The following CTNNA2 variants were observed in gnomAD, a reference collection of about 807,000 sequenced individuals.
CTNNA2 encodes catenin alpha 2, also known as catenin alpha-2.
CTNNA2 carries 42 observed loss-of-function variants against 101.0 expected under a neutral mutation model. The ratio of observed to expected loss-of-function variants is 0.42; its 90% CI spans 0.32 to 0.54. CTNNA2 has a LOEUF of 0.54. Among genes scored for constraint, CTNNA2 ranks in the 20% least tolerant of loss-of-function variants. The pLI is 0.14. For missense variants in CTNNA2, 871 were observed against 1,223.1 expected, an observed-to-expected ratio of 0.71 and a Z score of 4.29; for synonymous variants, 450 against 456.4, an observed-to-expected ratio of 0.99 and a Z score of 0.18.
chr2:79,312,504 G>T (rs576534734), intron 2 of CTNNA2, among the ~76,000 whole-genome samples: 9 of 152,118 alleles, frequency 5.9e-5, no homozygotes, highest in Admixed American at 5.9e-4. Context: ...ATTATGACAG[G>T]CACCTGTTAG....
In CTNNA2 at chr2:80,604,112, A is replaced by G. The variant is rs1697790301; in HGVS notation, c.2228A>G (p.Asn743Ser). Residue 743 changes from asparagine to serine, a missense_variant, in exon 16 of 19, where the codon AAT becomes AGT. Coordinates refer to ENST00000402739, the MANE Select transcript of CTNNA2 (RefSeq NM_001282597.3). ...TTGAAAAATACATCTGATGTCATTA[A>G]TGCTGCCAAGAAAATTGCCGAAGCA... is the stretch of plus-strand genomic sequence containing the variant. The part of the protein sequence containing the change: ...GPLKNTSDVI[N>S]AAKKIAEAGS... The G allele has an allele frequency of 6.2e-7, 1 of 1,613,040 alleles. No homozygotes were observed. Among genetic ancestry groups the G allele is most frequent in the Non-Finnish European group, 8.5e-7 (1 of 1,179,454 alleles).
intron 4 of CTNNA2, among the ~76,000 whole-genome samples, chr2:79,501,747 T>C (rs886290753): frequency 6.6e-6 from 1 of 152,174 alleles, no homozygotes; most frequent in Non-Finnish European, 1.5e-5. Context: ...AATTACAATG[T>C]AAGTTGAATT....
intron 2 of CTNNA2, among the ~76,000 whole-genome samples, chr2:79,290,022 T>C (rs1675753203): frequency 6.6e-6 from 1 of 152,146 alleles, no homozygotes; most frequent in South Asian, 2.1e-4. Flanking sequence ...AGATGCTATG[T>C]GCAAGTGAGA....
chr2:79,784,759 A>AATATAT (rs141251255), intron 3 of CTNNA2, among the ~76,000 whole-genome samples: 3 of 149,112 alleles, frequency 2.0e-5, no homozygotes, highest in African/African-American at 7.3e-5. Flanking sequence ...CAGAGAATGA[A>AATATAT]ATATATATAT....
intron 7 of CTNNA2, among the ~76,000 whole-genome samples, chr2:80,334,031 G>C (rs1671572461): frequency 6.6e-6 from 1 of 152,200 alleles, no homozygotes; most frequent in South Asian, 2.1e-4. Context: ...CTTAGCCCAT[G>C]TGGCCAACTG....
chr2:80,344,393 C>A (rs1015137264), intron 7 of CTNNA2, among the ~76,000 whole-genome samples: 3 of 152,240 alleles, frequency 2.0e-5, no homozygotes, highest in East Asian at 3.9e-4. Flanking sequence ...AAATTTATGT[C>A]TTTAACTCAA....
chr2:79,324,289 G>A (rs1676692997), intron 3 of CTNNA2, among the ~76,000 whole-genome samples: 1 of 152,132 alleles, frequency 6.6e-6, no homozygotes, highest in African/African-American at 2.4e-5. Context: ...TGGCAAGCAG[G>A]GTGTGGTTAG....
At chr2:79,770,275 T>C (rs1673479890) in intron 3 of CTNNA2, among the ~76,000 whole-genome samples, 1 of 152,220 alleles carries the variant, frequency 6.6e-6, no homozygotes, top group Non-Finnish European at 1.5e-5. Flanking sequence ...GAGGATTGCT[T>C]CCCTGTCTCA....
At chr2:80,589,864 G>C (rs1696287983) in intron 15 of CTNNA2, among the ~76,000 whole-genome samples, 1 of 75,956 alleles carries the variant, frequency 1.3e-5, no homozygotes, top group Non-Finnish European at 2.7e-5. Flanking sequence ...GTACCTCTGT[G>C]TGTGTGTGTG....
At chr2:80,147,013 T>G (rs1703392186) in intron 7 of CTNNA2, among the ~76,000 whole-genome samples, 1 of 151,596 alleles carries the variant, frequency 6.6e-6, no homozygotes, top group Non-Finnish European at 1.5e-5. Flanking sequence ...TCACCCAGGC[T>G]GGAGTGCAGT....
In CTNNA2 at chr2:79,643,384, G is replaced by A. The variant is rs1180020585; in HGVS notation, c.-5-8168G>A. Among the ~76,000 whole-genome samples the A allele has an allele frequency of 4.6e-5, 7 of 152,078 alleles. No individual in the cohort carries two copies. In the East Asian group the frequency reaches 5.8e-4, roughly 13 times the overall value. ...CCTGATTACAACAGTGGTTCTTAAA[G>A]TGTCGTTCCTGAACCAGCAGCAGCA... On this transcript the variant is annotated intron_variant, in intron 1 of 18. Transcript: ENST00000402739.
At chr2:80,048,470 C>A (rs761588987) in intron 7 of CTNNA2, among the ~76,000 whole-genome samples, 8 of 152,026 alleles carry the variant, frequency 5.3e-5, no homozygotes, top group African/African-American at 9.7e-5. Flanking sequence ...TTGCTTATTT[C>A]CTATCAGAGC....
At chr2:80,028,082 T>C (rs1695055719) in intron 7 of CTNNA2, 1 of 152,030 alleles carries the variant, frequency 6.6e-6, no homozygotes, top group Non-Finnish European at 1.5e-5. Context: ...AAGTGTGGCT[T>C]TTTCGAAACA....
chr2:80,293,220 A>G (rs1044514613), intron 7 of CTNNA2, among the ~76,000 whole-genome samples: 42 of 152,292 alleles, frequency 2.8e-4, no homozygotes, highest in African/African-American at 8.7e-4. Context: ...GCATTGTTCC[A>G]TTAATTGTGT....
chr2:79,394,218 G>T (rs530782365), intron 4 of CTNNA2, among the ~76,000 whole-genome samples: 3 of 150,682 alleles, frequency 2.0e-5, no homozygotes, highest in Admixed American at 1.3e-4. Flanking sequence ...GTTTGTTTTC[G>T]TTTCTCTCTG....
rs139177749 is a variant in CTNNA2 at position 79,355,203 on chromosome 2, CT to C, written c.-317-18627del. Among the ~76,000 whole-genome samples, 250 of 152,188 alleles carry C rather than the reference CT, an allele frequency of 1.6e-3. 2 individuals carry two copies. In the East Asian group the frequency reaches 0.032, roughly 20 times the overall value. Reference sequence around the variant, plus strand: ...GTTCTTTTGCTTAAGGTTGGTTTGGCTATTTGGGCTCTTTTTGGGTTCCATA... The same window carrying C: ...GTTCTTTTGCTTAAGGTTGGTTTGGCATTTGGGCTCTTTTTGGGTTCCATA... On this transcript the variant is annotated intron_variant, in intron 3 of 21. Transcript: ENST00000466387.
chr2:79,580,341 G>A (rs1676073515), intron 1 of CTNNA2, among the ~76,000 whole-genome samples: 1 of 152,154 alleles, frequency 6.6e-6, no homozygotes, highest in South Asian at 2.1e-4. Context: ...TTGGCTTTGA[G>A]TTGGAAAAGG....
intron 7 of CTNNA2, among the ~76,000 whole-genome samples, chr2:80,083,325 G>A (rs2035517): frequency 6.6e-6 from 1 of 151,732 alleles, no homozygotes; most frequent in Non-Finnish European, 1.5e-5. Context: ...ATTTTGTTAC[G>A]GGAACATTGT....
At chr2:79,966,555 C>T (rs1319295722) in intron 7 of CTNNA2, among the ~76,000 whole-genome samples, 1 of 152,138 alleles carries the variant, frequency 6.6e-6, no homozygotes. Flanking sequence ...GACCTTTACA[C>T]CTACGTCATT....
Sources: allele counts gnomAD v4.1 joint callset (sites outside exome capture counted in the v4.1 genomes callset), GRCh38; gene constraint gnomAD v4.1.1; transcripts MANE v1.5; gene names NCBI Gene and HGNC (gene_info 2026-07-23, HGNC 2026-07-21).